The following ETS1 variants were observed in gnomAD, a reference collection of about 807,000 sequenced individuals.
ETS1 encodes the protein ETS proto-oncogene 1, transcription factor.
A neutral mutation model predicts 58.6 loss-of-function variants in ETS1; 15 were observed. That is an observed-to-expected ratio of 0.26 (90% CI 0.17 to 0.39). The LOEUF (loss-of-function observed/expected upper bound fraction) is 0.39. ETS1 is among the 10% of genes least tolerant of loss of function. ETS1 has a pLI of 1.00. For synonymous variants in ETS1, 214 were observed against 218.2 expected (o/e 0.98, Z 0.17); for missense variants, 417 against 610.5 (o/e 0.68, Z 3.34).
At chr11:128,572,903 A>T (rs1426362737) in intron 2 of ETS1, among the ~76,000 whole-genome samples, 159 bp downstream of exon 2, 6 of 152,198 alleles carry the variant, frequency 3.9e-5, no homozygotes, top group African/African-American at 1.4e-4. Context: ...ATCATAGATA[A>T]TCTTACAATT....
At chr11:128,481,171 TA>T (rs1277335523) in intron 7 of ETS1, among the ~76,000 whole-genome samples, 1 of 152,148 alleles carries the variant, frequency 6.6e-6, no homozygotes, top group African/African-American at 2.4e-5. Flanking sequence ...CCTCTCCAAG[TA>T]AAATTATGTA....
intron 8 of ETS1, among the ~76,000 whole-genome samples, chr11:128,469,172 C>G (rs1000369810): frequency 6.6e-6 from 1 of 152,198 alleles, no homozygotes; most frequent in African/African-American, 2.4e-5. Context: ...TAATTTGCTA[C>G]TTTAAGAAGC....
rs1016260577 is a variant in ETS1 at position 128,522,456 on chromosome 11, C to T, written c.215-31880G>A. The T allele has an allele frequency of 1.1e-5, 7 of 626,504 alleles. No homozygotes were observed. In the African/African-American group the frequency reaches 1.4e-4, roughly 12 times the overall value. 38.8% of individuals were successfully genotyped at this position (626,504 alleles called of 1,614,324 possible). ...GGGAGCGAGGGGCGGGGCGTCGGGG[C>T]AGGGCGGGGAGCCGGGGGCGGGGCC... is the stretch of plus-strand genomic sequence containing the variant. On this transcript the variant is annotated intron_variant, in intron 3 of 9. Transcript: ENST00000392668.
chr11:128,571,411 C>A (rs1253505919), intron 2 of ETS1, among the ~76,000 whole-genome samples: 1 of 134,952 alleles, frequency 7.4e-6, no homozygotes. Flanking sequence ...AGCGAGACTC[C>A]GTCCAGCCTG....
intron 3 of ETS1, among the ~76,000 whole-genome samples, chr11:128,510,096 C>T (rs918038581): frequency 6.6e-6 from 1 of 152,140 alleles, no homozygotes; most frequent in Admixed American, 6.5e-5. Context: ...TAAGATTGAA[C>T]TCTTGATCTT....
chr11:128,513,183 T>C (rs1863435512), intron 3 of ETS1, among the ~76,000 whole-genome samples: 1 of 152,244 alleles, frequency 6.6e-6, no homozygotes, highest in Admixed American at 6.5e-5. Context: ...ATGATTAAGT[T>C]GTTATTAACA....
chr11:128,460,116 A>C lies in ETS1; in HGVS notation c.*2245T>G. 1 of 142,334 alleles carries C rather than the reference A, an allele frequency of 7.0e-6. No homozygotes were observed. The highest frequency in any genetic ancestry group is 2.6e-5 in the African/African-American group (1 of 39,098). 8.8% of individuals were successfully genotyped at this position (142,334 alleles called of 1,614,324 possible). ...CACACACACACACACACACACACAC[A>C]ACATTCACACACATGCACACATTCA... On this transcript the variant is annotated 3_prime_UTR_variant, in exon 10 of 10. Coordinates refer to ENST00000392668, the MANE Select transcript of ETS1 (RefSeq NM_001143820.2).
chr11:128,567,362 C>A (rs1044789028), intron 2 of ETS1, among the ~76,000 whole-genome samples: 1 of 152,192 alleles, frequency 6.6e-6, no homozygotes, highest in Non-Finnish European at 1.5e-5. Flanking sequence ...AGTGCTCGTA[C>A]GTCTGCAATA....
At chr11:128,505,984 G>A (rs1388090626) in intron 3 of ETS1, among the ~76,000 whole-genome samples, 1 of 152,160 alleles carries the variant, frequency 6.6e-6, no homozygotes, top group Non-Finnish European at 1.5e-5. Context: ...ATAAACCCTG[G>A]GCTTGAGTGG....
chr11:128,522,362 G>C (rs976343692), intron 3 of ETS1: 3 of 996,664 alleles, frequency 3.0e-6, no homozygotes, highest in African/African-American at 3.5e-5. Context: ...TCCTCTTTAG[G>C]GCGTTTCTCG....
chr11:128,535,594 G>A (rs902082584), intron 3 of ETS1, among the ~76,000 whole-genome samples: 1 of 152,134 alleles, frequency 6.6e-6, no homozygotes, highest in African/African-American at 2.4e-5. Context: ...TTTGAACTCT[G>A]CCAAATCCCA....
intron 3 of ETS1, among the ~76,000 whole-genome samples, chr11:128,552,230 G>T (rs558985898): frequency 1.6e-4 from 24 of 152,210 alleles, no homozygotes; most frequent in African/African-American, 5.5e-4. Flanking sequence ...AAGCAACCTG[G>T]GTCCAGCGTC....
intron 3 of ETS1, among the ~76,000 whole-genome samples, chr11:128,505,770 A>G (rs1273887867): frequency 6.6e-6 from 1 of 152,184 alleles, no homozygotes; most frequent in Non-Finnish European, 1.5e-5. Flanking sequence ...GTAGGTGAGA[A>G]AGGGAGAGAC....
intron 3 of ETS1, among the ~76,000 whole-genome samples, chr11:128,550,507 C>T (rs1223375668): frequency 6.6e-6 from 1 of 152,160 alleles, no homozygotes; most frequent in Admixed American, 6.5e-5. Context: ...CTCTCCCTAG[C>T]GGACTGCTTG....
At chr11:128,534,342 C>T (rs1387981700) in intron 3 of ETS1, among the ~76,000 whole-genome samples, 1 of 152,100 alleles carries the variant, frequency 6.6e-6, no homozygotes, top group African/African-American at 2.4e-5. Flanking sequence ...AAAGAAATCC[C>T]ATATACAATT....
At chr11:128,537,283 G>C (rs999268011) in intron 3 of ETS1, among the ~76,000 whole-genome samples, 1 of 152,006 alleles carries the variant, frequency 6.6e-6, no homozygotes, top group African/African-American at 2.4e-5. Context: ...ATTTACCTGA[G>C]ACATTATTTT....
intron 3 of ETS1, chr11:128,522,196 G>C: frequency 1.6e-6 from 2 of 1,239,836 alleles, no homozygotes; most frequent in South Asian, 5.1e-5. Context: ...GGCACTTTGC[G>C]GCGAAGTGAG....
chr11:128,559,623 A>T (rs1342284179), intron 2 of ETS1, among the ~76,000 whole-genome samples: 3 of 152,184 alleles, frequency 2.0e-5, no homozygotes, highest in Admixed American at 6.5e-5. Flanking sequence ...TAACCACGAG[A>T]ATCTTTACCA....
In ETS1 at chr11:128,481,865, T is replaced by C. The variant is rs149785433; in HGVS notation, c.863-1414A>G. Among the ~76,000 whole-genome samples, 1,068 of 152,300 alleles carry C rather than the reference T, an allele frequency of 7.0e-3. 13 individuals are homozygous for C. The highest frequency in any genetic ancestry group is 0.024 in the African/African-American group (985 of 41,550). ...TCCGGATAAAATGTATTCGGTTGAG[T>C]GTGTACTTTTTGTAAAATCCACTGC... On this transcript the variant is annotated intron_variant, in intron 7 of 9. Transcript: ENST00000392668.
Sources: allele counts gnomAD v4.1 joint callset (sites outside exome capture counted in the v4.1 genomes callset), GRCh38; gene constraint gnomAD v4.1.1; transcripts MANE v1.5; gene names NCBI Gene and HGNC (gene_info 2026-07-23, HGNC 2026-07-21).